TET3: variants seen among roughly 807,000 people sequenced by gnomAD.
TET3 encodes methylcytosine dioxygenase TET3.
In TET3, 19 loss-of-function variants were observed where a neutral mutation model predicts 141.4. The ratio of observed to expected loss-of-function variants is 0.13; its 90% confidence interval spans 0.09 to 0.20. The LOEUF is 0.20. TET3 is among the 10% of genes least tolerant of loss of function. TET3 has a pLI of 1.00. For synonymous variants in TET3, 1,043 were observed against 980.9 expected (o/e 1.06, Z -1.18); for missense variants, 1,874 against 2,356.9 (o/e 0.80, Z 4.24).
In TET3 at chr2:74,047,356, G is replaced by A. The variant is rs1010595721; in HGVS notation, c.1439G>A (p.Arg480Gln). 8.7e-6 allele frequency: 14 copies of A among 1,613,824 alleles called. No individual in the cohort carries two copies. The highest frequency in any genetic ancestry group is 3.3e-5 in the South Asian group (3 of 91,088). ...GATTACATCCAGTCAGTATTCAAGC[G>A]GCCTGAGGCCCTGCCTACCAAGCCC... The part of the protein sequence containing the change: ...ASDYIQSVFK[R>Q]PEALPTKPKV... The change falls in exon 4 of 12, where the codon CGG (arginine) becomes CAG (glutamine). Residue 480 changes from arginine to glutamine, a missense_variant. Arg to Gln is a conservative substitution (Grantham distance 43). Around this residue, in one of 10 missense-constraint regions of TET3, gnomAD observed 484 missense variants for 462.2 expected, o/e 1.05. Transcript: ENST00000409262.
At chr2:74,003,277 CTG>C (rs1180184127) in intron 3 of TET3, 111 bp downstream of exon 3, 3 of 1,405,520 alleles carry the variant, frequency 2.1e-6, no homozygotes, top group Non-Finnish European at 2.9e-6. Context: ...TAATCTCCCA[CTG>C]TGTGTGTAGC....
chr2:74,110,619 G>T (rs561695536), downstream of TET3, among the ~76,000 whole-genome samples: 2 of 152,204 alleles, frequency 1.3e-5, no homozygotes, highest in South Asian at 4.1e-4. Flanking sequence ...TTAAATTCTA[G>T]ATACCCCCCA....
At chr2:74,008,350 C>G (rs1429235017) in intron 3 of TET3, among the ~76,000 whole-genome samples, 1 of 152,184 alleles carries the variant, frequency 6.6e-6, no homozygotes, top group Non-Finnish European at 1.5e-5. Context: ...CCCGTCAGAG[C>G]CCTTGGAGCC....
At position 74,047,734 on chromosome 2, in the gene TET3, C is replaced by T; in HGVS notation, c.1817C>T (p.Pro606Leu). The T allele has an allele frequency of 6.2e-7, 1 of 1,613,682 alleles. No individual in the cohort carries two copies. The highest frequency in any genetic ancestry group is 8.5e-7 in the Non-Finnish European group (1 of 1,179,778). ...GGGATCAAGCCCAGTGTCCGAAAGC[C>T]CATTCAGATCAAGAAGTCCAGGCCC... The part of the protein sequence containing the change: ...APGIKPSVRK[P>L]IQIKKSRPRE... The change falls in exon 4 of 12, where the codon CCC becomes CTC. Residue 606 changes from proline (P) to leucine (L), a missense_variant. Around this residue, in one of 10 missense-constraint regions of TET3, gnomAD observed 484 missense variants for 462.2 expected, o/e 1.05. Coordinates refer to ENST00000409262, the MANE Select transcript of TET3 (RefSeq NM_001287491.2).
rs1424680047 is a variant in TET3 at position 74,026,136 on chromosome 2, A to T, written c.361-20142A>T. Among the ~76,000 whole-genome samples the T allele has an allele frequency of 4.6e-5, 7 of 151,946 alleles. No homozygotes were observed. The East Asian group carries it at 1.4e-3, about 29-fold the overall frequency. The stretch of plus-strand genomic sequence containing the variant: ...CCCCTCTGTAATACCAGGCCACAGC[A>T]TCCCACCCCACCCTACCCCACCCAT... On this transcript the variant is annotated intron_variant, in intron 3 of 11. Transcript: ENST00000409262.
At chr2:74,021,994 A>T (rs1686069749) in intron 3 of TET3, among the ~76,000 whole-genome samples, 1 of 152,202 alleles carries the variant, frequency 6.6e-6, no homozygotes, top group Non-Finnish European at 1.5e-5. Context: ...CACTGTAGAA[A>T]AATCAGAAAG....
intron 3 of TET3, among the ~76,000 whole-genome samples, chr2:74,027,961 A>T (rs537614316): frequency 3.7e-4 from 56 of 151,294 alleles, no homozygotes; most frequent in African/African-American, 1.3e-3. Flanking sequence ...TGATTTATAA[A>T]TTTTTTTCCC....
chr2:74,124,040 A>C, the TET3 span, among the ~76,000 whole-genome samples: 1 of 150,520 alleles, frequency 6.6e-6, no homozygotes, highest in Non-Finnish European at 1.5e-5. Flanking sequence ...CCCGTCTGGG[A>C]AGTGAGGAGC....
At chr2:74,126,651 G>A in the TET3 span, among the ~76,000 whole-genome samples, 9 of 151,892 alleles carry the variant, frequency 5.9e-5, no homozygotes, top group South Asian at 2.1e-4. Flanking sequence ...ACAGGCACCC[G>A]CCACCACTCC....
intron 3 of TET3, among the ~76,000 whole-genome samples, chr2:74,009,439 G>A (rs555447744): frequency 6.6e-6 from 1 of 152,344 alleles, no homozygotes; most frequent in South Asian, 2.1e-4. Context: ...GGTACAGAGG[G>A]CTGTCCCTAC....
chr2:74,017,726 C>A (rs1685807612), intron 3 of TET3, among the ~76,000 whole-genome samples: 1 of 152,166 alleles, frequency 6.6e-6, no homozygotes, highest in African/African-American at 2.4e-5. Context: ...TTTGACACAC[C>A]TATTTCAATT....
At chr2:74,004,945 G>C (rs949129985) in intron 3 of TET3, among the ~76,000 whole-genome samples, 7 of 152,168 alleles carry the variant, frequency 4.6e-5, no homozygotes, top group African/African-American at 1.7e-4. Flanking sequence ...CCAACGGGAT[G>C]AGGACAGATG....
chr2:74,112,271 TG>T (rs1270554929), downstream of TET3, among the ~76,000 whole-genome samples: 63 of 152,284 alleles, frequency 4.1e-4, 1 homozygote, highest in East Asian at 0.012. Context: ...ATCTCCTTGG[TG>T]CACCTCCCCA....
the TET3 span, among the ~76,000 whole-genome samples, chr2:74,132,100 G>T: frequency 1.3e-5 from 2 of 152,168 alleles, no homozygotes; most frequent in African/African-American, 4.8e-5. Flanking sequence ...CTCCAGTCAA[G>T]AACATCTGCT....
In TET3 at chr2:74,047,365, C is replaced by T; in HGVS notation, c.1448C>T (p.Ala483Val). 6.2e-7 allele frequency: 1 copy of T among 1,613,960 alleles called. No homozygotes were observed. Among genetic ancestry groups the T allele is most frequent in the Admixed American group, 1.7e-5 (1 of 60,016 alleles). Residue 483 changes from alanine to valine, a missense_variant, in exon 4 of 12, where the codon GCC (alanine) becomes GTC (valine). By Grantham distance (64) the Ala-to-Val change is moderately conservative (BLOSUM62 0). Coordinates refer to ENST00000409262, the MANE Select transcript of TET3 (RefSeq NM_001287491.2). ...YIQSVFKRPEALPTKPKVKVE... is the reference protein window; with the variant it reads ...YIQSVFKRPEVLPTKPKVKVE... Reference sequence around the variant, plus strand: ...CAGTCAGTATTCAAGCGGCCTGAGGCCCTGCCTACCAAGCCCAAGGTCAAG... The same window carrying T: ...CAGTCAGTATTCAAGCGGCCTGAGGTCCTGCCTACCAAGCCCAAGGTCAAG...
In TET3 at chr2:74,100,904, C is replaced by T. The variant is rs190314140; in HGVS notation, c.4116C>T (p.Ala1372=). 1.7e-3 allele frequency: 2,809 copies of T among 1,610,186 alleles called. 17 individuals carry two copies. Among genetic ancestry groups the T allele is most frequent in the Middle Eastern group, 6.1e-3 (37 of 6,058 alleles). ...PGPKEYLLPK[A]PLLHSVSRDP... ...CCAAGGAGTATCTGCTTCCCAAGGCCCCCCTACTCCACTCAGTGTCCAGGG... is the reference window on the plus strand; with the variant it reads ...CCAAGGAGTATCTGCTTCCCAAGGCTCCCCTACTCCACTCAGTGTCCAGGG... Residue 1372 remains alanine (A), a synonymous_variant, in exon 12 of 12, where the codon GCC becomes GCT. Transcript: ENST00000409262.
At chr2:74,034,655 A>G (rs1686932560) in intron 3 of TET3, among the ~76,000 whole-genome samples, 1 of 150,400 alleles carries the variant, frequency 6.6e-6, no homozygotes, top group Non-Finnish European at 1.5e-5. Flanking sequence ...ACACTGCTCT[A>G]TAATATTCCA....
intron 3 of TET3, among the ~76,000 whole-genome samples, chr2:74,031,291 G>C (rs924892149): frequency 1.3e-5 from 2 of 152,076 alleles, no homozygotes; most frequent in Admixed American, 6.5e-5. Context: ...ACCCAGGGTG[G>C]GCAGGTGAGT....
intron 8 of TET3, 59 bp downstream of exon 8, chr2:74,090,106 G>T (rs1690393298): frequency 1.1e-5 from 18 of 1,595,958 alleles, no homozygotes; most frequent in Non-Finnish European, 1.5e-5. Flanking sequence ...CGTCCTTCAT[G>T]GTCCAGCGGG....
Sources: gnomAD v4.1 joint callset for allele counts (sites outside exome capture counted in the v4.1 genomes callset) on GRCh38, gnomAD v4.1.1 for gene constraint, gnomAD v4.1.1 regional missense constraint, MANE v1.5 for transcripts, NCBI Gene and HGNC (gene_info 2026-07-23, HGNC 2026-07-21) for gene names.